SLC25A26: variants seen among roughly 807,000 people sequenced by gnomAD.
The protein encoded by SLC25A26 is mitochondrial S-adenosylmethionine carrier protein.
A neutral mutation model predicts 37.8 loss-of-function variants in SLC25A26; 36 were observed. That is an observed-to-expected ratio of 0.95 (90% CI 0.73 to 1.26). SLC25A26 has a LOEUF of 1.26. Among genes scored for constraint, SLC25A26 ranks in the 50% most tolerant of loss-of-function variants. The pLI is 0.00. For missense variants in SLC25A26, 390 were observed against 331.1 expected (o/e 1.18, Z -1.38); for synonymous variants, 129 against 122.5 (o/e 1.05, Z -0.35).
At chr3:66,223,825 T>C (rs2071610960) in intron 1 of SLC25A26, among the ~76,000 whole-genome samples, 1 of 152,176 alleles carries the variant, frequency 6.6e-6, no homozygotes, top group Non-Finnish European at 1.5e-5. Flanking sequence ...GAGTGGGGTA[T>C]CCAGAAACAA....
At chr3:66,314,956 G>A (rs996321819) in intron 5 of SLC25A26, among the ~76,000 whole-genome samples, 4 of 151,080 alleles carry the variant, frequency 2.6e-5, no homozygotes, top group African/African-American at 4.9e-5. Context: ...ATTTCTGTGG[G>A]GTCGCCAGTG....
At chr3:66,343,124 C>T (rs1351495651) in intron 5 of SLC25A26, among the ~76,000 whole-genome samples, 1 of 152,154 alleles carries the variant, frequency 6.6e-6, no homozygotes, top group Non-Finnish European at 1.5e-5. Flanking sequence ...TCAAGCCAGA[C>T]GCGGGGAGGG....
intron 1 of SLC25A26, among the ~76,000 whole-genome samples, chr3:66,222,482 A>G (rs781820116): frequency 3.9e-5 from 6 of 152,182 alleles, no homozygotes; most frequent in African/African-American, 1.2e-4. Flanking sequence ...CGCCTGGCCA[A>G]TGTTACCGCT....
intron 1 of SLC25A26, among the ~76,000 whole-genome samples, chr3:66,209,087 GATGT>G (rs1553656037): frequency 3.3e-4 from 13 of 39,972 alleles, no homozygotes; most frequent in Admixed American, 4.2e-4. Flanking sequence ...CCCATATAAA[GATGT>G]ATATATATAT....
At chr3:66,239,127 T>C (rs2072444381) in intron 2 of SLC25A26, among the ~76,000 whole-genome samples, 1 of 152,248 alleles carries the variant, frequency 6.6e-6, no homozygotes, top group Non-Finnish European at 1.5e-5. Context: ...TTCCTTCTTC[T>C]ACATCTTCTC....
chr3:66,212,791 A>G (rs2071302100), intron 1 of SLC25A26, among the ~76,000 whole-genome samples: 1 of 152,172 alleles, frequency 6.6e-6, no homozygotes, highest in South Asian at 2.1e-4. Flanking sequence ...TTCAAGTTTC[A>G]TCCACATTGT....
intron 5 of SLC25A26, among the ~76,000 whole-genome samples, chr3:66,289,493 T>C (rs2074631210): frequency 6.6e-6 from 1 of 152,222 alleles, no homozygotes; most frequent in African/African-American, 2.4e-5. Context: ...TTGAGTTAAT[T>C]TTTGTATAAA....
At chr3:66,154,619 T>C (rs2070254925) in intron 1 of SLC25A26, among the ~76,000 whole-genome samples, 1 of 148,672 alleles carries the variant, frequency 6.7e-6, no homozygotes, top group Non-Finnish European at 1.5e-5. Context: ...GCTCACTGCA[T>C]CCTCAACTAC....
chr3:66,222,223 C>G (rs1213392731), intron 1 of SLC25A26, among the ~76,000 whole-genome samples: 1 of 151,056 alleles, frequency 6.6e-6, no homozygotes, highest in Admixed American at 6.6e-5. Flanking sequence ...ACTCTTCGCC[C>G]AGGCTGGAGT....
intron 1 of SLC25A26, among the ~76,000 whole-genome samples, chr3:66,225,478 C>G (rs2071701139): frequency 6.6e-6 from 1 of 152,172 alleles, no homozygotes; most frequent in South Asian, 2.1e-4. Flanking sequence ...GCCCTGGACC[C>G]AGTCCAGGAA....
At chr3:66,163,203 A>T (rs775398132) in intron 1 of SLC25A26, among the ~76,000 whole-genome samples, 8 of 152,352 alleles carry the variant, frequency 5.3e-5, no homozygotes, top group Admixed American at 1.3e-4. Flanking sequence ...GTTGAATGAG[A>T]AAACCCCAGT....
intron 2 of SLC25A26, among the ~76,000 whole-genome samples, chr3:66,241,199 C>G (rs2072567752): frequency 6.6e-6 from 1 of 152,014 alleles, no homozygotes; most frequent in Admixed American, 6.5e-5. Context: ...GTTCAAGGAT[C>G]ACCTGTACTG....
intron 1 of SLC25A26, among the ~76,000 whole-genome samples, chr3:66,198,938 G>C (rs1440203451): frequency 6.6e-6 from 1 of 151,826 alleles, no homozygotes; most frequent in South Asian, 2.1e-4. Flanking sequence ...CCCTGATCTT[G>C]ACCTTGACCT....
intron 1 of SLC25A26, among the ~76,000 whole-genome samples, chr3:66,189,995 A>C (rs887341361): frequency 6.6e-6 from 1 of 151,930 alleles, no homozygotes; most frequent in African/African-American, 2.4e-5. Flanking sequence ...CTGCTTTGAT[A>C]TGTGGTCTCC....
chr3:66,330,326 G>A (rs916983118), intron 5 of SLC25A26, among the ~76,000 whole-genome samples: 19 of 152,138 alleles, frequency 1.2e-4, no homozygotes, highest in African/African-American at 4.3e-4. Flanking sequence ...GAAACGCTGA[G>A]TAGACAGGGA....
At chr3:66,190,192 G>T (rs1277231816) in intron 1 of SLC25A26, among the ~76,000 whole-genome samples, 1 of 152,132 alleles carries the variant, frequency 6.6e-6, no homozygotes, top group South Asian at 2.1e-4. Context: ...GCATAAACCT[G>T]TAGTTCCAGC....
intron 1 of SLC25A26, among the ~76,000 whole-genome samples, chr3:66,152,449 GAC>G: frequency 6.6e-6 from 1 of 152,330 alleles, no homozygotes; most frequent in Admixed American, 6.5e-5. Flanking sequence ...TTGGAATTCA[GAC>G]ACAATTTCAC....
chr3:66,262,334 A>T (rs1010157373), intron 4 of SLC25A26, among the ~76,000 whole-genome samples, 179 bp downstream of exon 4: 1 of 152,162 alleles, frequency 6.6e-6, no homozygotes, highest in African/African-American at 2.4e-5. Context: ...GAATATTTTC[A>T]TTTACATGTT....
At chr3:66,364,434 A>G (rs332385) in intron 7 of SLC25A26, among the ~76,000 whole-genome samples, 151,980 of 152,252 alleles carry the variant, frequency 1, 75,854 homozygotes, top group East Asian at 1. Flanking sequence ...ATGCTGGGGT[A>G]TGGAGAAAGG....
Sources: allele counts gnomAD v4.1 joint callset (sites outside exome capture counted in the v4.1 genomes callset), GRCh38; gene constraint gnomAD v4.1.1; transcripts MANE v1.5; gene names NCBI Gene and HGNC (gene_info 2026-07-23, HGNC 2026-07-21).